Variants in DNAJA3 observed in about 807,000 individuals in gnomAD.
DNAJA3 encodes dnaJ homolog subfamily A member 3, mitochondrial.
A neutral mutation model predicts 54.9 loss-of-function variants in DNAJA3; 29 were observed. The observed-to-expected ratio is 0.53, with a 90% confidence interval of 0.39 to 0.72. The LOEUF is 0.72. Ranked by LOEUF, DNAJA3 falls within the 30% of genes least tolerant of loss-of-function variation. DNAJA3 has a pLI of 0.00. For missense variants in DNAJA3, 708 were observed against 639.4 expected (o/e 1.11, Z -1.16); for synonymous variants, 302 against 251.4 (o/e 1.20, Z -1.90).
At chr16:4,450,363 G>T (rs759143593) in intron 9 of DNAJA3, 37 bp from the exon 10 acceptor site, 1 of 1,536,208 alleles carries the variant, frequency 6.5e-7, no homozygotes, top group East Asian at 2.4e-5. Flanking sequence ...AAGCTTCCCG[G>T]CGGAAGCCTT....
chr16:4,427,898 G>A (rs1014836379), intron 1 of DNAJA3, among the ~76,000 whole-genome samples: 8 of 152,068 alleles, frequency 5.3e-5, no homozygotes, highest in African/African-American at 1.9e-4. Context: ...CCTTGCTTCA[G>A]CTTCCCAAAG....
chr16:4,443,336 G>C (rs1374152382), intron 6 of DNAJA3, among the ~76,000 whole-genome samples, 172 bp downstream of exon 6: 5 of 152,062 alleles, frequency 3.3e-5, no homozygotes, highest in Admixed American at 2.6e-4. Context: ...GGAGGAACTG[G>C]AGTCTCCTTG....
At chr16:4,434,770 A>G (rs1012400478) in intron 2 of DNAJA3, among the ~76,000 whole-genome samples, 1 of 152,094 alleles carries the variant, frequency 6.6e-6, no homozygotes, top group East Asian at 1.9e-4. Flanking sequence ...AGCTGTTTTC[A>G]TAATTAAATT....
rs900141330 is a variant in DNAJA3, at chr16:4,442,408, C to T, written c.771C>T (p.Gly257=). 21 of 1,599,664 alleles carry T rather than the reference C, an allele frequency of 1.3e-5. No individual in the cohort carries two copies. Among genetic ancestry groups the T allele is most frequent in the African/African-American group, 1.2e-4 (9 of 74,398 alleles). Residue 257 remains glycine (G), a synonymous_variant, in exon 5 of 12, where the codon GGC becomes GGT. Coordinates refer to ENST00000262375, the MANE Select transcript of DNAJA3 (RefSeq NM_005147.6). ...GTKVQHCHYC[G]GSGMETINTG... ...AGGTGCAGCATTGCCACTACTGTGGCGGCTCCGGCATGGTAAGGCTCTGCC... is the reference window on the plus strand; with the variant it reads ...AGGTGCAGCATTGCCACTACTGTGGTGGCTCCGGCATGGTAAGGCTCTGCC...
rs1332126067 is a variant in DNAJA3 at position 4,456,380 on chromosome 16, A to T, written c.*848A>T. The T allele has an allele frequency of 2.6e-5, 4 of 152,404 alleles. No homozygotes were observed. Among genetic ancestry groups the T allele is most frequent in the African/African-American group, 9.6e-5 (4 of 41,466 alleles). 9.4% of individuals were successfully genotyped at this position (152,404 alleles called of 1,614,324 possible). On this transcript the variant is annotated 3_prime_UTR_variant, in exon 12 of 12. Transcript: ENST00000262375. ...GAACTGAAGCCCTGCCACTGTTGCT[A>T]GTCAGGGGCTTGGTTCTCCCACTTA...
intron 3 of DNAJA3, 166 bp from the exon 4 acceptor site, chr16:4,441,209 C>A: frequency 3.2e-6 from 2 of 621,658 alleles, no homozygotes. Context: ...GTCATCTCAT[C>A]CCTCTTCTAG....
At chr16:4,426,162 C>G (rs541939661) in intron 1 of DNAJA3, 70 bp downstream of exon 1, 2 of 1,422,606 alleles carry the variant, frequency 1.4e-6, no homozygotes, top group African/African-American at 3.0e-5. Context: ...CTCGCTGTGA[C>G]TACGGCTGCA....
At chr16:4,430,643 GGTT>G (rs2056686257) in intron 1 of DNAJA3, 1 of 151,928 alleles carries the variant, frequency 6.6e-6, no homozygotes, top group African/African-American at 2.4e-5. Flanking sequence ...TTTTATTCTG[GGTT>G]GTTCTAAAAA....
intron 3 of DNAJA3, among the ~76,000 whole-genome samples, chr16:4,439,684 A>G (rs916718163): frequency 6.6e-6 from 1 of 152,206 alleles, no homozygotes; most frequent in African/African-American, 2.4e-5. Flanking sequence ...AAACGGACCG[A>G]GCCTCAGAAC....
rs925548337 is a variant in DNAJA3 at position 4,446,906 on chromosome 16, C to G, written c.1017C>G (p.Phe339Leu). 1 of 1,614,062 alleles carries G rather than the reference C, an allele frequency of 6.2e-7. No individual in the cohort carries two copies. Among genetic ancestry groups the G allele is most frequent in the Non-Finnish European group, 8.5e-7 (1 of 1,180,018 alleles). Residue 339 changes from phenylalanine to leucine, a missense_variant, in exon 8 of 12, where the codon TTC becomes TTG. Physicochemically the swap from Phe to Leu is conservative, Grantham distance 22. Transcript: ENST00000262375. ...CTTAGGTGCAGAAAAGCCCTGTGTTCCGGAGGGACGGCGCAGACATCCACT... is the reference window on the plus strand; with the variant it reads ...CTTAGGTGCAGAAAAGCCCTGTGTTGCGGAGGGACGGCGCAGACATCCACT... ...ITFRVQKSPV[F>L]RRDGADIHSD...
At chr16:4,447,181 C>CA in intron 8 of DNAJA3, 167 bp downstream of exon 8, 2 of 730,604 alleles carry the variant, frequency 2.7e-6, no homozygotes. Context: ...GTGTGGACCA[C>CA]AAGCCACAGG....
chr16:4,432,519 T>G (rs989338579), intron 1 of DNAJA3, among the ~76,000 whole-genome samples: 91 of 151,574 alleles, frequency 6.0e-4, no homozygotes, highest in African/African-American at 2.2e-3. Context: ...ATTTTGTATT[T>G]TTAGTAGAGA....
intron 1 of DNAJA3, chr16:4,431,557 C>T (rs2141370604): frequency 6.6e-6 from 1 of 152,092 alleles, no homozygotes; most frequent in African/African-American, 2.4e-5. Context: ...TTCGAGTAGT[C>T]TCCCAGGCTT....
intron 8 of DNAJA3, chr16:4,447,216 A>G (rs1596369056): frequency 3.3e-6 from 2 of 598,034 alleles, no homozygotes; most frequent in Non-Finnish European, 2.9e-6. Flanking sequence ...TCGCATGGGA[A>G]GCAGTTCCTG....
intron 9 of DNAJA3, 54 bp from the exon 10 acceptor site, chr16:4,450,346 C>A: frequency 2.0e-6 from 3 of 1,485,610 alleles, no homozygotes; most frequent in Middle Eastern, 4.0e-4. Flanking sequence ...CCTGTGAGTT[C>A]TTTCCAAAGC....
intron 6 of DNAJA3, 78 bp downstream of exon 6, chr16:4,443,242 G>A: frequency 6.4e-7 from 1 of 1,564,792 alleles, no homozygotes; most frequent in South Asian, 1.2e-5. Flanking sequence ...TGTGGAGAGG[G>A]TGGACAGGGC....
Position 4,441,506 on chromosome 16 carries a change from G to T in DNAJA3, c.561G>T (p.Arg187Ser). The T allele has an allele frequency of 6.2e-7, 1 of 1,614,204 alleles. No individual in the cohort carries two copies. The highest frequency in any genetic ancestry group is 8.5e-7 in the Non-Finnish European group (1 of 1,180,040). Residue 187 changes from arginine (R) to serine (S), a missense_variant, in exon 4 of 12, where the codon AGG becomes AGT. Arg to Ser is a moderately radical substitution (Grantham distance 110). Transcript: ENST00000262375. ...CTGTGGACCCCGAGGAGCTGTTCAG[G>T]AAGATCTTTGGCGAGTTCTCATCCT... is the stretch of plus-strand genomic sequence containing the variant. ...GPTVDPEELF[R>S]KIFGEFSSSS...
intron 3 of DNAJA3, 74 bp downstream of exon 3, chr16:4,437,559 G>GCTGTCCCAGGTA: frequency 8.1e-7 from 1 of 1,237,728 alleles, no homozygotes; most frequent in Non-Finnish European, 1.2e-6. Flanking sequence ...TTGCTACCTG[G>GCTGTCCCAGGTA]GACAGCCTGG....
At chr16:4,451,028 C>G (rs1039661074) in intron 10 of DNAJA3, among the ~76,000 whole-genome samples, 26 of 152,194 alleles carry the variant, frequency 1.7e-4, no homozygotes, top group African/African-American at 5.8e-4. Flanking sequence ...AACAGATGCA[C>G]CATTTACCCT....
Sources: allele counts gnomAD v4.1 joint callset (sites outside exome capture counted in the v4.1 genomes callset), GRCh38; gene constraint gnomAD v4.1.1; transcripts MANE v1.5; gene names NCBI Gene and HGNC (gene_info 2026-07-23, HGNC 2026-07-21).